The following SHISA9 variants were observed in gnomAD, a reference collection of about 807,000 sequenced individuals.
SHISA9 encodes the protein protein shisa-9.
SHISA9 carries 13 observed loss-of-function variants against 38.0 expected under a neutral mutation model. The ratio of observed to expected loss-of-function variants is 0.34; its 90% CI spans 0.22 to 0.54. The LOEUF is 0.54. SHISA9 is among the 20% of genes least tolerant of loss of function. The pLI, the probability that SHISA9 is intolerant of heterozygous loss-of-function variation, is 0.91. For synonymous variants in SHISA9, 275 were observed against 242.0 expected, an observed-to-expected ratio of 1.14 and a Z score of -1.27; for missense variants, 538 against 575.8, an observed-to-expected ratio of 0.93 and a Z score of 0.67.
At chr16:12,938,967 T>C (rs1454770768) in intron 2 of SHISA9, among the ~76,000 whole-genome samples, 1 of 152,174 alleles carries the variant, frequency 6.6e-6, no homozygotes, top group Admixed American at 6.5e-5. Context: ...CAAGTAAGCA[T>C]TGAGGGTGGA....
At chr16:13,204,169 T>TCTAC (rs140684289) in intron 3 of SHISA9, among the ~76,000 whole-genome samples, 1 of 125,700 alleles carries the variant, frequency 8.0e-6, no homozygotes, top group Non-Finnish European at 1.7e-5. Flanking sequence ...TATCTATCTA[T>TCTAC]TTATCTATCA....
rs1207827924 is a variant in SHISA9 at position 13,070,258 on chromosome 16, C to G, written c.692-133136C>G. On this transcript the variant is annotated intron_variant, in intron 2 of 4. Transcript: ENST00000558583. ...TTCTCCCCGTGCCCCTCATGTTGCT[C>G]TGTCCCCCGGACTCTGCCTCCATCT... Among the ~76,000 whole-genome samples the G allele has an allele frequency of 2.6e-5, 4 of 152,240 alleles. No individual in the cohort carries two copies. In the South Asian group the frequency reaches 6.2e-4, roughly 24 times the overall value.
intron 2 of SHISA9, among the ~76,000 whole-genome samples, chr16:13,112,400 A>C (rs904878582): frequency 6.6e-6 from 1 of 151,992 alleles, no homozygotes; most frequent in Non-Finnish European, 1.5e-5. Flanking sequence ...AAGGAAAAAA[A>C]AGGTTTTGAT....
the SHISA9 span, among the ~76,000 whole-genome samples, chr16:13,554,567 C>T: frequency 6.8e-6 from 1 of 146,330 alleles, no homozygotes; most frequent in Non-Finnish European, 1.5e-5. Flanking sequence ...TCTTGTCTCA[C>T]TGCAACCTCC....
the SHISA9 span, among the ~76,000 whole-genome samples, chr16:13,469,393 G>GAA: frequency 1.5e-4 from 17 of 113,828 alleles, no homozygotes; most frequent in African/African-American, 6.1e-4. Flanking sequence ...AAGAAAGAAA[G>GAA]AAAGAAAGAA....
the SHISA9 span, among the ~76,000 whole-genome samples, chr16:13,322,180 C>G: frequency 6.6e-6 from 1 of 152,196 alleles, no homozygotes; most frequent in Non-Finnish European, 1.5e-5. Context: ...AGTGCCTTAA[C>G]TGAGTTCAGC....
chr16:13,198,083 G>C (rs927116340), intron 2 of SHISA9, among the ~76,000 whole-genome samples: 2 of 152,130 alleles, frequency 1.3e-5, no homozygotes, highest in Non-Finnish European at 2.9e-5. Context: ...TACTTGGGAG[G>C]CTGAGGCAGG....
chr16:12,921,684 T>G (rs2071330885), intron 2 of SHISA9, among the ~76,000 whole-genome samples: 1 of 152,094 alleles, frequency 6.6e-6, no homozygotes, highest in Admixed American at 6.6e-5. Flanking sequence ...GGTGGGAGAC[T>G]GAACCCAGGA....
chr16:13,186,288 CTTTTTTTTTTTTTTTTTT>C (rs113608898), intron 2 of SHISA9, among the ~76,000 whole-genome samples: 1 of 104,272 alleles, frequency 9.6e-6, no homozygotes, highest in South Asian at 3.2e-4. Flanking sequence ...CCATCTTAAC[CTTTTTTTTTTTTTTTTTT>C]TTTTTTTTTG....
At chr16:13,471,163 G>C in the SHISA9 span, among the ~76,000 whole-genome samples, 1 of 152,034 alleles carries the variant, frequency 6.6e-6, no homozygotes, top group Non-Finnish European at 1.5e-5. Context: ...TTCTGTGTAT[G>C]TCTGAGTTGA....
At chr16:13,383,492 T>C in the SHISA9 span, among the ~76,000 whole-genome samples, 17 of 152,264 alleles carry the variant, frequency 1.1e-4, no homozygotes, top group African/African-American at 4.1e-4. Context: ...AGTGCTTATA[T>C]GCGTGCATAG....
At chr16:13,077,317 G>T (rs1038545780) in intron 2 of SHISA9, among the ~76,000 whole-genome samples, 7 of 151,276 alleles carry the variant, frequency 4.6e-5, no homozygotes, top group Non-Finnish European at 8.8e-5. Flanking sequence ...TATGGTAAAA[G>T]ATGACTCCCT....
chr16:13,260,706 G>GC, the SHISA9 span, among the ~76,000 whole-genome samples: 1 of 152,172 alleles, frequency 6.6e-6, no homozygotes, highest in Non-Finnish European at 1.5e-5. Flanking sequence ...CTTCTTCTGA[G>GC]CCCTCCAAAC....
At chr16:13,309,696 G>A in the SHISA9 span, among the ~76,000 whole-genome samples, 1 of 151,232 alleles carries the variant, frequency 6.6e-6, no homozygotes, top group South Asian at 2.1e-4. Context: ...CATGCCAGAG[G>A]GATATATTTT....
chr16:13,516,835 T>C, the SHISA9 span, among the ~76,000 whole-genome samples: 1 of 151,752 alleles, frequency 6.6e-6, no homozygotes, highest in East Asian at 1.9e-4. Flanking sequence ...GAGAAAGTCA[T>C]AACTGATCAC....
chr16:13,254,772 A>C, the SHISA9 span, among the ~76,000 whole-genome samples: 2 of 152,206 alleles, frequency 1.3e-5, no homozygotes, highest in Admixed American at 6.5e-5. Context: ...CCTTGGGGCA[A>C]AGTGAAAGCA....
intron 2 of SHISA9, among the ~76,000 whole-genome samples, chr16:13,100,139 G>C (rs1029667757): frequency 2.6e-5 from 4 of 152,192 alleles, no homozygotes; most frequent in Non-Finnish European, 5.9e-5. Flanking sequence ...GATTCCTCAA[G>C]AGAACTCAGA....
At chr16:13,558,548 C>T in the SHISA9 span, among the ~76,000 whole-genome samples, 4 of 152,138 alleles carry the variant, frequency 2.6e-5, no homozygotes, top group Non-Finnish European at 4.4e-5. Flanking sequence ...TGTTTAAAGG[C>T]ATCTTATGTA....
the SHISA9 span, among the ~76,000 whole-genome samples, chr16:13,537,706 A>G: frequency 2.0e-5 from 3 of 152,240 alleles, no homozygotes; most frequent in Non-Finnish European, 4.4e-5. Flanking sequence ...GTCAAAATTC[A>G]TAAAACTATG....
Sources: gnomAD v4.1 joint callset for allele counts (sites outside exome capture counted in the v4.1 genomes callset) on GRCh38, gnomAD v4.1.1 for gene constraint, MANE v1.5 for transcripts, NCBI Gene and HGNC (gene_info 2026-07-23, HGNC 2026-07-21) for gene names.